Variants in MREG observed in about 807,000 individuals in gnomAD.
MREG encodes melanoregulin.
A neutral mutation model predicts 28.5 loss-of-function variants in MREG; 31 were observed. That is an observed-to-expected ratio of 1.09 (90% CI 0.82 to 1.47). MREG has a LOEUF of 1.47. MREG is among the 40% of genes most tolerant of loss of function. The pLI is 0.00. For missense variants in MREG, 256 were observed against 257.4 expected, an observed-to-expected ratio of 0.99 and a Z score of 0.04; for synonymous variants, 106 against 95.2, an observed-to-expected ratio of 1.11 and a Z score of -0.66.
chr2:215,972,818 C>G (rs1187177061), intron 2 of MREG, among the ~76,000 whole-genome samples: 1 of 152,108 alleles, frequency 6.6e-6, no homozygotes, highest in East Asian at 1.9e-4. Context: ...CTCAATTTCA[C>G]CAATTACGAT....
At chr2:215,947,285 G>A (rs541117820) in intron 2 of MREG, among the ~76,000 whole-genome samples, 172 bp from the exon 3 acceptor site, 3 of 152,332 alleles carry the variant, frequency 2.0e-5, no homozygotes, top group Admixed American at 1.3e-4. Context: ...AATACTATCA[G>A]CTACCACTGC....
At chr2:216,010,009 CTATAAT>C (rs1694255904) in intron 1 of MREG, among the ~76,000 whole-genome samples, 1 of 152,152 alleles carries the variant, frequency 6.6e-6, no homozygotes, top group Admixed American at 6.5e-5. Context: ...TCCCCAGTCA[CTATAAT>C]TATGACCTTA....
At chr2:216,014,976 C>A (rs770904734), upstream of MREG, among the ~76,000 whole-genome samples, 2 of 152,180 alleles carry the variant, frequency 1.3e-5, no homozygotes, top group African/African-American at 2.4e-5. Flanking sequence ...AAATACAAAT[C>A]TTTACTCTAA....
intron 1 of MREG, among the ~76,000 whole-genome samples, chr2:216,005,045 A>G (rs754813992): frequency 9.2e-5 from 14 of 152,212 alleles, no homozygotes; most frequent in Non-Finnish European, 1.8e-4. Flanking sequence ...AGGGGAAGCC[A>G]GTATGACTGA....
chr2:215,956,067 A>T (rs542466681), intron 2 of MREG, among the ~76,000 whole-genome samples: 2 of 152,228 alleles, frequency 1.3e-5, no homozygotes, highest in South Asian at 4.1e-4. Flanking sequence ...TAACAAATAA[A>T]GCCTGTGAGG....
intron 1 of MREG, among the ~76,000 whole-genome samples, chr2:216,026,160 C>G (rs760202984): frequency 6.6e-6 from 1 of 152,142 alleles, no homozygotes; most frequent in Non-Finnish European, 1.5e-5. Flanking sequence ...CATAGAGAGA[C>G]ATAACTCCAG....
downstream of MREG, among the ~76,000 whole-genome samples, chr2:215,940,266 G>A (rs1371527918): frequency 6.6e-6 from 1 of 152,196 alleles, no homozygotes; most frequent in Admixed American, 6.5e-5. Context: ...TAAATAGCAA[G>A]TTCAAAGTGG....
intron 2 of MREG, among the ~76,000 whole-genome samples, chr2:215,995,840 C>T (rs1218412588): frequency 6.6e-6 from 1 of 151,872 alleles, no homozygotes; most frequent in Non-Finnish European, 1.5e-5. Context: ...AGTGGATCCA[C>T]TGCTGTCTGA....
At chr2:216,006,300 C>A (rs990364577) in intron 1 of MREG, among the ~76,000 whole-genome samples, 7 of 152,202 alleles carry the variant, frequency 4.6e-5, no homozygotes, top group African/African-American at 1.7e-4. Flanking sequence ...CAGCTGACTT[C>A]TTATAAAGAG....
intron 2 of MREG, among the ~76,000 whole-genome samples, chr2:215,977,054 T>C (rs1693281425): frequency 6.6e-6 from 1 of 152,192 alleles, no homozygotes; most frequent in African/African-American, 2.4e-5. Context: ...GTAAATGGGC[T>C]AGATGCCCCA....
intron 1 of MREG, among the ~76,000 whole-genome samples, chr2:216,012,962 G>C (rs1694351614): frequency 1.3e-5 from 2 of 152,094 alleles, no homozygotes; most frequent in Non-Finnish European, 2.9e-5. Context: ...TTACTTCCCT[G>C]CCCAGGTAGG....
intron 2 of MREG, among the ~76,000 whole-genome samples, chr2:215,979,463 C>T (rs1354790097): frequency 7.6e-5 from 8 of 105,720 alleles, no homozygotes; most frequent in Admixed American, 6.6e-4. Flanking sequence ...AACTCCATCT[C>T]AAAAAATAAT....
At chr2:216,014,648 CAAA>C (rs33939793), upstream of MREG, among the ~76,000 whole-genome samples, 109 of 135,590 alleles carry the variant, frequency 8.0e-4, 1 homozygote, top group Admixed American at 5.6e-3. Context: ...GACTCCGTCT[CAAA>C]AAAAAAAAAA....
At chr2:215,970,362 A>G (rs1574611903) in intron 2 of MREG, among the ~76,000 whole-genome samples, 1 of 152,096 alleles carries the variant, frequency 6.6e-6, no homozygotes, top group South Asian at 2.1e-4. Context: ...TGAGAGAACA[A>G]ATTTCTGTTG....
intron 1 of MREG, among the ~76,000 whole-genome samples, chr2:216,029,287 C>T (rs950366494): frequency 8.6e-5 from 13 of 151,948 alleles, no homozygotes; most frequent in African/African-American, 2.9e-4. Context: ...AGACCATCGT[C>T]GCCAACATGG....
At chr2:215,990,728 A>C (rs1249127397) in intron 2 of MREG, among the ~76,000 whole-genome samples, 1 of 152,178 alleles carries the variant, frequency 6.6e-6, no homozygotes, top group Non-Finnish European at 1.5e-5. Context: ...AAAGCAAAAA[A>C]AGCAGGGATT....
chr2:215,948,306 T>A (rs1692374310), intron 2 of MREG, among the ~76,000 whole-genome samples: 1 of 152,262 alleles, frequency 6.6e-6, no homozygotes, highest in African/African-American at 2.4e-5. Context: ...AGATCTTGAA[T>A]CTGAGGATAT....
intron 2 of MREG, among the ~76,000 whole-genome samples, chr2:215,986,497 A>G (rs973390113): frequency 2.0e-5 from 3 of 152,240 alleles, no homozygotes; most frequent in Non-Finnish European, 4.4e-5. Context: ...TGAGATTGCA[A>G]CCTCTGTTCT....
rs770785824 is a variant in MREG at position 215,996,414 on chromosome 2, C to T, written c.147G>A (p.Glu49=). 3 of 1,613,794 alleles carry T rather than the reference C, an allele frequency of 1.9e-6. No individual in the cohort carries two copies. Among genetic ancestry groups the T allele is most frequent in the Middle Eastern group, 1.6e-4 (1 of 6,062 alleles). Residue 49 remains glutamate, a synonymous_variant, in exon 2 of 5, where the codon GAG becomes GAA. Transcript: ENST00000263268. ...SFGATLVRDD[E]KNLWSMPHDV... ...CATGGGGCATACTCCATAAATTCTT[C>T]TCATCATCCCTCACCAGAGTTGCTC...
Sources: allele counts gnomAD v4.1 joint callset (sites outside exome capture counted in the v4.1 genomes callset), GRCh38; gene constraint gnomAD v4.1.1; transcripts MANE v1.5; gene names NCBI Gene and HGNC (gene_info 2026-07-23, HGNC 2026-07-21).